The following WASF1 variants were observed in gnomAD, a reference collection of about 807,000 sequenced individuals.
WASF1 encodes actin-binding protein WASF1.
A neutral mutation model predicts 50.5 loss-of-function variants in WASF1; 7 were observed. The ratio of observed to expected loss-of-function variants is 0.14; its 90% confidence interval spans 0.08 to 0.26. WASF1 has a LOEUF of 0.26. Ranked by LOEUF, WASF1 falls within the 10% of genes least tolerant of loss-of-function variation. The pLI is 1.00. For missense variants in WASF1, 470 were observed against 694.7 expected, an observed-to-expected ratio of 0.68 and a Z score of 3.64; for synonymous variants, 205 against 244.0, an observed-to-expected ratio of 0.84 and a Z score of 1.49.
intron 2 of WASF1, among the ~76,000 whole-genome samples, chr6:110,177,472 T>C (rs1015336549): frequency 5.9e-5 from 9 of 152,082 alleles, no homozygotes; most frequent in Admixed American, 3.9e-4. Flanking sequence ...ATCCTGACAT[T>C]TTTTCATTGT....
intron 2 of WASF1, among the ~76,000 whole-genome samples, chr6:110,173,330 A>T (rs1295019986): frequency 6.6e-6 from 1 of 152,116 alleles, no homozygotes; most frequent in Non-Finnish European, 1.5e-5. Context: ...AAAAAAACAA[A>T]AAAACTTTGC....
At chr6:110,159,937 G>A (rs1240163969) in intron 3 of WASF1, among the ~76,000 whole-genome samples, 2 of 151,582 alleles carry the variant, frequency 1.3e-5, no homozygotes, top group African/African-American at 4.8e-5. Flanking sequence ...CTATACCTTG[G>A]GAAGCATCTA....
At chr6:110,161,550 T>C (rs1355163126) in intron 2 of WASF1, among the ~76,000 whole-genome samples, 1 of 151,640 alleles carries the variant, frequency 6.6e-6, no homozygotes, top group Non-Finnish European at 1.5e-5. Context: ...TATTTTTACA[T>C]GGTCAAGATA....
At chr6:110,107,447 T>C (rs537505400) in intron 6 of WASF1, among the ~76,000 whole-genome samples, 24 of 152,360 alleles carry the variant, frequency 1.6e-4, no homozygotes, top group African/African-American at 5.5e-4. Context: ...TTTTCATCCC[T>C]AATTTCTGCT....
chr6:110,172,142 A>T (rs1298494179), intron 2 of WASF1, among the ~76,000 whole-genome samples: 2 of 152,232 alleles, frequency 1.3e-5, no homozygotes, highest in Non-Finnish European at 2.9e-5. Context: ...TCAAGGATCT[A>T]GAACTAGAAT....
chr6:110,131,664 C>T (rs757795907), intron 3 of WASF1, among the ~76,000 whole-genome samples: 3 of 152,048 alleles, frequency 2.0e-5, no homozygotes, highest in African/African-American at 4.8e-5. Flanking sequence ...CCACAACACC[C>T]GGCTAATTTT....
intron 4 of WASF1, among the ~76,000 whole-genome samples, chr6:110,120,113 C>G (rs952896288): frequency 6.6e-5 from 10 of 152,164 alleles, no homozygotes; most frequent in African/African-American, 2.4e-4. Context: ...TGGAAGCACT[C>G]CCTTTGAAAA....
intron 2 of WASF1, among the ~76,000 whole-genome samples, chr6:110,162,774 A>C (rs1776312411): frequency 6.6e-6 from 1 of 151,672 alleles, no homozygotes; most frequent in Admixed American, 6.6e-5. Flanking sequence ...ACTTGAAAAG[A>C]AGATTTACAA....
Position 110,127,593 on chromosome 6 carries a change from T to G in WASF1, c.9A>C (p.Leu3=). 1 of 1,562,058 alleles carries G rather than the reference T, an allele frequency of 6.4e-7. No homozygotes were observed. Among genetic ancestry groups the G allele is most frequent in the South Asian group, 1.2e-5 (1 of 80,426 alleles). MP[L]VKRNIDPRHL... The stretch of plus-strand genomic sequence containing the variant: ...GCCTAGGATCGATGTTTCTTTTCAC[T>G]AGCGGCATCTTGAGATTAACCTTTG... The change falls in exon 4 of 11, where the codon CTA becomes CTC. Residue 3 remains leucine, a synonymous_variant. Coordinates refer to ENST00000392589, the MANE Select transcript of WASF1 (RefSeq NM_003931.3).
At chr6:110,170,196 G>C (rs1458460134) in intron 2 of WASF1, among the ~76,000 whole-genome samples, 2 of 152,098 alleles carry the variant, frequency 1.3e-5, no homozygotes, top group Admixed American at 1.3e-4. Context: ...CTCAATTAAA[G>C]TCAGAGCAGA....
intron 3 of WASF1, among the ~76,000 whole-genome samples, chr6:110,137,989 G>C (rs1195339780): frequency 6.6e-6 from 1 of 152,234 alleles, no homozygotes; most frequent in Non-Finnish European, 1.5e-5. Context: ...GTTTTGCTCA[G>C]GGCCACTGGG....
intron 5 of WASF1, among the ~76,000 whole-genome samples, chr6:110,110,902 T>A (rs1345144502): frequency 6.6e-6 from 1 of 152,040 alleles, no homozygotes; most frequent in African/African-American, 2.4e-5. Context: ...CCAAAACAAT[T>A]TCAAATTAAG....
chr6:110,118,548 T>C (rs915744056), intron 4 of WASF1, among the ~76,000 whole-genome samples: 1 of 151,892 alleles, frequency 6.6e-6, no homozygotes, highest in African/African-American at 2.4e-5. Context: ...ATAAAGCAAG[T>C]CCTTAGAGAC....
chr6:110,127,465 T>C lies in WASF1; in HGVS notation c.133+4A>G. On this transcript the variant is annotated splice_donor_region_variant and intron_variant, in intron 4 of 10. Coordinates refer to ENST00000392589, the MANE Select transcript of WASF1 (RefSeq NM_003931.3). Reference sequence around the variant, plus strand: ...GAGTATATTTTTAATTGATATATACTTACTTAGGCTACTTAGTTGTCTAAT... The same window carrying C: ...GAGTATATTTTTAATTGATATATACCTACTTAGGCTACTTAGTTGTCTAAT... The C allele has an allele frequency of 1.9e-6, 3 of 1,588,136 alleles. No homozygotes were observed. The highest frequency in any genetic ancestry group is 2.6e-6 in the Non-Finnish European group (3 of 1,169,082).
intron 6 of WASF1, 93 bp from the exon 7 acceptor site, chr6:110,107,287 TAATAA>T (rs1472403757): frequency 1.2e-6 from 1 of 803,922 alleles, no homozygotes; most frequent in East Asian, 2.7e-5. Context: ...CCTCTTACAT[TAATAA>T]AATACAGCAT....
In WASF1 at chr6:110,124,232, TCTC is replaced by T. The variant is rs1453440004; in HGVS notation, c.133+3234_133+3236del. ...CTCTCTCTCTCCTCTCTCTCCTCTC[TCTC>T]CTCTCTCTCTCTCTCTCTCTCTCTC... On this transcript the variant is annotated intron_variant, in intron 4 of 10. Coordinates refer to ENST00000392589, the MANE Select transcript of WASF1 (RefSeq NM_003931.3). Among the ~76,000 whole-genome samples, 12 of 42,584 alleles carry T rather than the reference TCTC, an allele frequency of 2.8e-4. 1 individual carries two copies. Among genetic ancestry groups the T allele is most frequent in the African/African-American group, 8.6e-4 (6 of 6,938 alleles). The allele number at this position is 42,584 out of a possible 152,430, so 27.9% of individuals were successfully genotyped here.
chr6:110,155,008 G>A (rs533558567), intron 3 of WASF1, among the ~76,000 whole-genome samples: 3 of 152,174 alleles, frequency 2.0e-5, no homozygotes, highest in South Asian at 4.1e-4. Flanking sequence ...TAGTATTAAT[G>A]AAATAGATAC....
chr6:110,124,700 A>G (rs1425056331), intron 4 of WASF1, among the ~76,000 whole-genome samples: 1 of 152,154 alleles, frequency 6.6e-6, no homozygotes, highest in Non-Finnish European at 1.5e-5. Context: ...TGAGGCCAGA[A>G]GTTCAAGGCC....
intron 3 of WASF1, among the ~76,000 whole-genome samples, chr6:110,149,607 C>G (rs1775737626): frequency 1.3e-5 from 2 of 151,990 alleles, no homozygotes; most frequent in South Asian, 4.1e-4. Flanking sequence ...GCAAACTTAC[C>G]TGAAAAAGCT....
Sources: allele counts gnomAD v4.1 joint callset (sites outside exome capture counted in the v4.1 genomes callset), GRCh38; gene constraint gnomAD v4.1.1; transcripts MANE v1.5; gene names NCBI Gene and HGNC (gene_info 2026-07-23, HGNC 2026-07-21).